Variants in AFDN observed in about 807,000 individuals in gnomAD.
The protein encoded by AFDN is afadin.
A neutral mutation model predicts 216.6 loss-of-function variants in AFDN; 68 were observed. The observed-to-expected ratio is 0.31, with a 90% CI of 0.26 to 0.38. The LOEUF is 0.38. AFDN is among the 10% of genes least tolerant of loss of function. AFDN has a pLI of 1.00. For missense variants in AFDN, 2,136 were observed against 2,342.0 expected (o/e 0.91, Z 1.82); for synonymous variants, 868 against 853.7 (o/e 1.02, Z -0.29).
At chr6:167,891,401 A>AGG (rs1266327665) in intron 8 of AFDN, among the ~76,000 whole-genome samples, 50 of 85,228 alleles carry the variant, frequency 5.9e-4, no homozygotes, top group Middle Eastern at 0.011. Flanking sequence ...GATTTCATAA[A>AGG]GGGGTGGGTG....
chr6:167,927,569 C>T (rs1391019257), intron 23 of AFDN, among the ~76,000 whole-genome samples: 1 of 152,060 alleles, frequency 6.6e-6, no homozygotes, highest in Non-Finnish European at 1.5e-5. Flanking sequence ...GAACCTGGGA[C>T]GAAAGGTGGG....
At chr6:167,905,805 T>A (rs1426734697) in intron 12 of AFDN, among the ~76,000 whole-genome samples, 1 of 152,146 alleles carries the variant, frequency 6.6e-6, no homozygotes, top group Non-Finnish European at 1.5e-5. Context: ...CAATTGTGTT[T>A]CTATAAATCT....
chr6:167,949,272 C>T (rs1425135364), intron 29 of AFDN, among the ~76,000 whole-genome samples: 5 of 152,140 alleles, frequency 3.3e-5, no homozygotes, highest in Admixed American at 6.5e-5. Context: ...TGCCCTGGAT[C>T]GCAGACGCTC....
chr6:167,883,058 C>G (rs35181991), intron 6 of AFDN, among the ~76,000 whole-genome samples: 81,330 of 151,692 alleles, frequency 0.54, 22,570 homozygotes, highest in African/African-American at 0.61. Context: ...CCCATGTGCC[C>G]TATCTCAAAA....
chr6:167,970,654 A>T lies in AFDN; in HGVS notation c.*719A>T, dbSNP rs531363199. On this transcript the variant is annotated 3_prime_UTR_variant, in exon 34 of 34. Coordinates refer to ENST00000683244, the MANE Select transcript of AFDN (RefSeq NM_001386888.1). ...AATTTTGAGGATTTAAGCTTAGGGG[A>T]TTTTATTTTTATAAATACCAGATTA... 1 of 209,344 alleles carries T rather than the reference A, an allele frequency of 4.8e-6. No homozygotes were observed. The highest frequency in any genetic ancestry group is 5.9e-5 in the Admixed American group (1 of 16,918). 13.0% of individuals were successfully genotyped at this position (209,344 alleles called of 1,614,324 possible). A position where few individuals can be genotyped will look rare whatever the true frequency, so the allele number is the denominator to read the frequency against.
At chr6:167,948,266 A>G in intron 28 of AFDN, 27 bp from the exon 29 acceptor site, 1 of 1,576,846 alleles carries the variant, frequency 6.3e-7, no homozygotes, top group Non-Finnish European at 8.6e-7. Flanking sequence ...TAAAAAGCTC[A>G]CTTTTTTTGT....
chr6:167,842,919 T>C (rs191585120), intron 1 of AFDN, among the ~76,000 whole-genome samples: 79 of 152,330 alleles, frequency 5.2e-4, no homozygotes, highest in Non-Finnish European at 5.7e-4. Context: ...AGTCATTTGC[T>C]ACTATCTGTA....
chr6:167,861,046 T>C (rs1341738570), intron 1 of AFDN, among the ~76,000 whole-genome samples: 2 of 152,140 alleles, frequency 1.3e-5, no homozygotes, highest in Non-Finnish European at 2.9e-5. Flanking sequence ...AGCTAGGTGT[T>C]GGTGGTCAGT....
chr6:167,896,118 A>G (rs965361021), intron 9 of AFDN, among the ~76,000 whole-genome samples: 4 of 152,044 alleles, frequency 2.6e-5, no homozygotes, highest in South Asian at 2.1e-4. Flanking sequence ...TTGGGACTAG[A>G]GGGCTTCGGC....
chr6:167,897,796 G>A (rs113564650), intron 10 of AFDN, among the ~76,000 whole-genome samples: 8 of 151,930 alleles, frequency 5.3e-5, no homozygotes, highest in African/African-American at 1.9e-4. Flanking sequence ...ACAGGCACGC[G>A]CCACCACGCC....
At chr6:167,867,409 G>A (rs951398825) in intron 2 of AFDN, among the ~76,000 whole-genome samples, 4 of 150,888 alleles carry the variant, frequency 2.7e-5, no homozygotes, top group African/African-American at 7.3e-5. Context: ...TTTCTATTAC[G>A]GACTAATTCT....
rs1480776393 is a variant in AFDN at position 167,925,046 on chromosome 6, C to T, written c.3054C>T (p.Thr1018=). 6.2e-7 allele frequency: 1 copy of T among 1,613,880 alleles called. No homozygotes were observed. The highest frequency in any genetic ancestry group is 2.2e-5 in the East Asian group (1 of 44,864). The change falls in exon 23 of 34, where the codon ACC becomes ACT. Residue 1018 remains threonine, a synonymous_variant. Transcript: ENST00000683244. Reference sequence around the variant, plus strand: ...AAGAACCTGAAATAATCACTGTGACCCTAAAAAAGCAGAATGGAATGGGCC... The same window carrying T: ...AAGAACCTGAAATAATCACTGTGACTCTAAAAAAGCAGAATGGAATGGGCC... ...LRKEPEIITV[T]LKKQNGMGLS... is the part of the protein sequence containing the mutation.
rs141220202 is a variant in AFDN at position 167,951,550 on chromosome 6, C to G, written c.4196C>G (p.Pro1399Arg). ...MSMDLPLPPP[P>R]SANQIGLPSA... is the part of the protein sequence containing the mutation. ...ATGGATTTGCCTCTCCCACCACCCC[C>G]TTCCGCCAACCAGATAGGGCTGCCG... Residue 1399 changes from proline (P) to arginine (R), a missense_variant, in exon 30 of 34, where the codon CCT (proline) becomes CGT (arginine). Pro to Arg is a moderately radical substitution (Grantham distance 103). Coordinates refer to ENST00000683244, the MANE Select transcript of AFDN (RefSeq NM_001386888.1). The surrounding 1 kb of genome is among the most constrained non-coding windows in gnomAD (Gnocchi z 7.1). The G allele has an allele frequency of 2.7e-5, 44 of 1,613,816 alleles. No individual in the cohort carries two copies. The highest frequency in any genetic ancestry group is 3.4e-5 in the Non-Finnish European group (40 of 1,179,918).
chr6:167,943,321 C>G (rs932467570), intron 24 of AFDN, 81 bp from the exon 25 acceptor site: 1 of 1,432,190 alleles, frequency 7.0e-7, no homozygotes, highest in East Asian at 2.3e-5. Context: ...AATAGAGTAT[C>G]TACTCATCAT....
Position 167,890,840 on chromosome 6 carries a change from A to G in AFDN, c.1010-22A>G, listed in dbSNP as rs745983391. The G allele has an allele frequency of 2.6e-5, 42 of 1,608,614 alleles. No homozygotes were observed. In the Admixed American group the frequency reaches 7.1e-4, roughly 27 times the overall value. ...CTGACCAACCTGAGTCTGCCTGATG[A>G]TTTCCCATGCTGCTGTTCTAGGGAT... On this transcript the variant is annotated intron_variant, in intron 7 of 33. Coordinates refer to ENST00000683244, the MANE Select transcript of AFDN (RefSeq NM_001386888.1).
chr6:167,948,864 C>T (rs1473222951), intron 29 of AFDN, among the ~76,000 whole-genome samples: 1 of 152,224 alleles, frequency 6.6e-6, no homozygotes, highest in Non-Finnish European at 1.5e-5. Context: ...ATGGTCAGTG[C>T]TGTGGGAGAA....
chr6:167,878,562 G>A (rs1298309006), intron 5 of AFDN, among the ~76,000 whole-genome samples: 1 of 150,858 alleles, frequency 6.6e-6, no homozygotes, highest in Non-Finnish European at 1.5e-5. Context: ...GTGCACTCTT[G>A]CATGCACGCA....
chr6:167,963,047 A>G (rs1797196361), intron 31 of AFDN: 1 of 1,072,568 alleles, frequency 9.3e-7, no homozygotes, highest in East Asian at 4.8e-5. Context: ...AAGAGAGCAG[A>G]TGGCTTAGAA....
At chr6:167,898,538 T>C (rs1788561008) in intron 11 of AFDN, 71 bp downstream of exon 11, 3 of 1,411,842 alleles carry the variant, frequency 2.1e-6, no homozygotes, top group South Asian at 1.5e-5. Flanking sequence ...TTCATAGATA[T>C]CTTGGCTTTT....
Sources: allele counts gnomAD v4.1 joint callset (sites outside exome capture counted in the v4.1 genomes callset), GRCh38; gene constraint gnomAD v4.1.1; non-coding constraint Gnocchi (gnomAD v3.1); transcripts MANE v1.5; gene names NCBI Gene and HGNC (gene_info 2026-07-23, HGNC 2026-07-21).